Variants in CCDC171 observed in about 807,000 individuals in gnomAD.
CCDC171 encodes the protein coiled-coil domain containing 171, also known as coiled-coil domain-containing protein 171.
Under a neutral mutation model 168.2 loss-of-function variants are expected in CCDC171, and 177 were observed. The observed-to-expected ratio is 1.05, with a 90% CI of 0.93 to 1.19. The LOEUF is 1.19. Ranked by LOEUF, CCDC171 falls within the 50% of genes most tolerant of loss-of-function variation. The pLI is 0.00. For synonymous variants in CCDC171, 687 were observed against 540.8 expected (o/e 1.27, Z -3.75); for missense variants, 1,991 against 1,539.0 (o/e 1.29, Z -4.91).
At chr9:15,969,094 G>A (rs186925926) in intron 25 of CCDC171, among the ~76,000 whole-genome samples, 96 of 152,088 alleles carry the variant, frequency 6.3e-4, no homozygotes, top group African/African-American at 2.2e-3. Context: ...AGGACATAAC[G>A]TCAGAAAATA....
intron 25 of CCDC171, among the ~76,000 whole-genome samples, chr9:15,926,853 G>C (rs1825950371): frequency 6.6e-6 from 1 of 151,528 alleles, no homozygotes; most frequent in Non-Finnish European, 1.5e-5. Flanking sequence ...TGTTAACTAT[G>C]AGGAAATCTT....
intron 7 of CCDC171, among the ~76,000 whole-genome samples, chr9:15,627,915 G>A (rs906623370): frequency 6.6e-6 from 1 of 152,068 alleles, no homozygotes; most frequent in East Asian, 1.9e-4. Flanking sequence ...TTGACAGTGG[G>A]GTGTTAAAGT....
intron 8 of CCDC171, among the ~76,000 whole-genome samples, chr9:15,660,740 T>C (rs2048252162): frequency 1.3e-5 from 2 of 152,350 alleles, no homozygotes; most frequent in South Asian, 2.1e-4. Flanking sequence ...TGAGCACCTG[T>C]GTTGATTCCA....
chr9:16,098,310 G>T, the CCDC171 span, among the ~76,000 whole-genome samples: 2 of 152,152 alleles, frequency 1.3e-5, no homozygotes, highest in Admixed American at 6.5e-5. Flanking sequence ...AATGTAGTGG[G>T]TCAAAACAAA....
At chr9:15,700,395 G>A (rs145158532) in intron 11 of CCDC171, among the ~76,000 whole-genome samples, 2,084 of 152,302 alleles carry the variant, frequency 0.014, 47 homozygotes, top group African/African-American at 0.047. Context: ...AGCGCTGCGC[G>A]CAGCCCCGGT....
intron 23 of CCDC171, among the ~76,000 whole-genome samples, chr9:15,862,397 T>C (rs2130999070): frequency 6.6e-6 from 1 of 151,968 alleles, no homozygotes; most frequent in African/African-American, 2.4e-5. Context: ...TGCCCTAATA[T>C]TTGTTCCTCT....
intron 10 of CCDC171, among the ~76,000 whole-genome samples, chr9:15,687,723 A>T (rs1179684068): frequency 6.6e-6 from 1 of 152,228 alleles, no homozygotes; most frequent in African/African-American, 2.4e-5. Flanking sequence ...CAGAAATAGA[A>T]ATAATTGTAA....
At chr9:15,839,018 T>TA (rs1409460116) in intron 21 of CCDC171, among the ~76,000 whole-genome samples, 4 of 152,144 alleles carry the variant, frequency 2.6e-5, no homozygotes, top group Non-Finnish European at 5.9e-5. Context: ...TTTGAAAGGT[T>TA]AAAAAAAGCA....
intron 11 of CCDC171, among the ~76,000 whole-genome samples, chr9:15,703,304 G>A (rs1267298645): frequency 6.6e-6 from 1 of 152,204 alleles, no homozygotes; most frequent in African/African-American, 2.4e-5. Context: ...AATAAGGCTG[G>A]TTGTCTTTCT....
chr9:15,591,154 C>A (rs904631962), intron 4 of CCDC171, among the ~76,000 whole-genome samples: 16 of 152,008 alleles, frequency 1.1e-4, no homozygotes, highest in Middle Eastern at 3.4e-3. Context: ...AAGAAGAGAT[C>A]GAAAATTATA....
At chr9:15,781,203 C>G (rs537877262) in intron 20 of CCDC171, among the ~76,000 whole-genome samples, 2 of 152,166 alleles carry the variant, frequency 1.3e-5, no homozygotes, top group African/African-American at 4.8e-5. Flanking sequence ...ATTAAGAAAA[C>G]AAGTTTGCAT....
At chr9:15,808,062 T>G (rs1272223888) in intron 21 of CCDC171, among the ~76,000 whole-genome samples, 1 of 152,068 alleles carries the variant, frequency 6.6e-6, no homozygotes, top group Non-Finnish European at 1.5e-5. Flanking sequence ...TTTCATCATG[T>G]CCAGAAGTGA....
At chr9:15,717,932 T>G (rs1191988538) in intron 11 of CCDC171, among the ~76,000 whole-genome samples, 6 of 152,154 alleles carry the variant, frequency 3.9e-5, no homozygotes, top group Non-Finnish European at 8.8e-5. Context: ...CGGCAAGAGA[T>G]TATTTCTGCT....
chr9:15,555,485 A>G (rs1313563113), intron 1 of CCDC171, among the ~76,000 whole-genome samples: 1 of 152,058 alleles, frequency 6.6e-6, no homozygotes, highest in Non-Finnish European at 1.5e-5. Context: ...TTTTTAAGAA[A>G]TCTCCAGCAA....
chr9:15,576,070 C>T (rs910142796), intron 3 of CCDC171, among the ~76,000 whole-genome samples: 1 of 144,216 alleles, frequency 6.9e-6, no homozygotes, highest in African/African-American at 2.6e-5. Context: ...CCAGCTTCGG[C>T]AACAGAGCGA....
chr9:16,050,312 A>G (rs935083044), intron 1 of CCDC171, among the ~76,000 whole-genome samples: 1 of 152,272 alleles, frequency 6.6e-6, no homozygotes, highest in African/African-American at 2.4e-5. Flanking sequence ...CTGTAAAAGC[A>G]TAAATTGCTT....
chr9:15,558,266 A>G (rs1409678462), intron 1 of CCDC171, among the ~76,000 whole-genome samples: 1 of 152,160 alleles, frequency 6.6e-6, no homozygotes, highest in Admixed American at 6.6e-5. Flanking sequence ...TGAATTAGGG[A>G]GGATTCCCTC....
intron 6 of CCDC171, among the ~76,000 whole-genome samples, chr9:16,032,063 C>G (rs766877263): frequency 1.3e-5 from 2 of 152,128 alleles, no homozygotes. Context: ...GCATCCGTGC[C>G]GAGGAAGGGA....
At chr9:15,860,490 A>G (rs2061514316) in intron 23 of CCDC171, among the ~76,000 whole-genome samples, 1 of 151,884 alleles carries the variant, frequency 6.6e-6, no homozygotes, top group Non-Finnish European at 1.5e-5. Flanking sequence ...GATATTTTCT[A>G]ACTTTCCTAA....
Sources: gnomAD v4.1 joint callset for allele counts (sites outside exome capture counted in the v4.1 genomes callset) on GRCh38, gnomAD v4.1.1 for gene constraint, MANE v1.5 for transcripts, NCBI Gene and HGNC (gene_info 2026-07-23, HGNC 2026-07-21) for gene names.